Variants in MYOF observed in about 807,000 individuals in gnomAD.
The protein encoded by MYOF is fer-1-like 3, myoferlin.
In MYOF, 244 loss-of-function variants were observed where a neutral mutation model predicts 284.2. That is an observed-to-expected ratio of 0.86 (90% CI 0.77 to 0.95). The LOEUF (loss-of-function observed/expected upper bound fraction) is 0.95. Among genes scored for constraint, MYOF ranks in the 40% least tolerant of loss-of-function variants. The probability of loss-of-function intolerance (pLI) is 0.00; values close to 1 mark genes in which losing one functional copy is unlikely to be tolerated. For missense variants in MYOF, 2,496 were observed against 2,560.6 expected, an observed-to-expected ratio of 0.97 and a Z score of 0.54; for synonymous variants, 904 against 919.7, an observed-to-expected ratio of 0.98 and a Z score of 0.31.
rs559479529 is a variant in MYOF at position 93,480,706 on chromosome 10, C to T, written c.88+1401G>A. Among the ~76,000 whole-genome samples the T allele has an allele frequency of 9.9e-5, 15 of 152,002 alleles. No homozygotes were observed. The South Asian group carries it at 1.9e-3, about 19-fold the overall frequency. ...GGCCTGGCTGGTCTCGAACTCCTGCCCTCATGTGATCCACCCACCTCAGCC... is the reference window on the plus strand; with the variant it reads ...GGCCTGGCTGGTCTCGAACTCCTGCTCTCATGTGATCCACCCACCTCAGCC... On this transcript the variant is annotated intron_variant, in intron 1 of 53. Coordinates refer to ENST00000359263, the MANE Select transcript of MYOF (RefSeq NM_013451.4).
At chr10:93,405,603 A>G (rs1354602758) in intron 7 of MYOF, among the ~76,000 whole-genome samples, 1 of 152,128 alleles carries the variant, frequency 6.6e-6, no homozygotes, top group African/African-American at 2.4e-5. Flanking sequence ...GTTTTGTAGA[A>G]TATCCCACAG....
chr10:93,329,801 T>C lies in MYOF; in HGVS notation c.4845A>G (p.Glu1615=). The C allele has an allele frequency of 6.2e-7, 1 of 1,614,254 alleles. No individual in the cohort carries two copies. The highest frequency in any genetic ancestry group is 8.5e-7 in the Non-Finnish European group (1 of 1,180,048). ...MYELSCYLPQ[E]KDLKISVYDY... ...CATAGACAGAAATTTTCAGGTCTTT[T>C]TCTTGAGGTAAGTAGCAGCTCAGTT... Residue 1615 remains glutamate, a synonymous_variant, in exon 44 of 54, where the codon GAA becomes GAG. Transcript: ENST00000359263.
intron 3 of MYOF, among the ~76,000 whole-genome samples, chr10:93,444,351 C>T (rs868551709): frequency 7.9e-5 from 12 of 152,168 alleles, no homozygotes; most frequent in South Asian, 2.1e-4. Flanking sequence ...AGTTTACTAT[C>T]CAGTAGAGAG....
In MYOF at chr10:93,349,316, G is replaced by A. The variant is rs540180167; in HGVS notation, c.4083+492C>T. Reference sequence around the variant, plus strand: ...GGGTAGCCTCAATGGACCAAAGAAGGTGCCATCCCAGGGGCACCTGGAGGT... The same window carrying A: ...GGGTAGCCTCAATGGACCAAAGAAGATGCCATCCCAGGGGCACCTGGAGGT... On this transcript the variant is annotated intron_variant, in intron 36 of 53. Coordinates refer to ENST00000359263, the MANE Select transcript of MYOF (RefSeq NM_013451.4). Among the ~76,000 whole-genome samples, 15 of 152,270 alleles carry A rather than the reference G, an allele frequency of 9.9e-5. No homozygotes were observed. The East Asian group carries it at 2.9e-3, about 29-fold the overall frequency.
intron 17 of MYOF, among the ~76,000 whole-genome samples, chr10:93,392,139 G>A (rs1846723585): frequency 6.6e-6 from 1 of 152,192 alleles, no homozygotes. Context: ...TAATGAAATA[G>A]ATTGTTTAAA....
intron 3 of MYOF, among the ~76,000 whole-genome samples, chr10:93,441,304 A>G (rs2056242943): frequency 6.6e-6 from 1 of 152,196 alleles, no homozygotes; most frequent in African/African-American, 2.4e-5. Context: ...AAGCAATACC[A>G]CACTTTGCCC....
At chr10:93,396,264 G>T (rs61865239) in intron 15 of MYOF, 40 bp from the exon 16 acceptor site, 1 of 1,402,150 alleles carries the variant, frequency 7.1e-7, no homozygotes, top group South Asian at 1.3e-5. Context: ...AAAATAAAAG[G>T]TTCAGAGCTC....
chr10:93,338,565 T>C (rs1843719756), intron 39 of MYOF: 1 of 453,542 alleles, frequency 2.2e-6, no homozygotes, highest in East Asian at 7.0e-5. Context: ...GGAAATCATA[T>C]GGGATCTTTA....
intron 1 of MYOF, among the ~76,000 whole-genome samples, chr10:93,459,899 T>G (rs920921253): frequency 3.9e-5 from 6 of 152,140 alleles, no homozygotes; most frequent in African/African-American, 1.4e-4. Context: ...ACCACTACCC[T>G]GCTCCCATAA....
chr10:93,359,918 T>G lies in MYOF; in HGVS notation c.3035A>C (p.Glu1012Ala), dbSNP rs754564361. 6.5e-5 allele frequency: 105 copies of G among 1,614,090 alleles called. No homozygotes were observed. The highest frequency in any genetic ancestry group is 8.7e-5 in the Non-Finnish European group (103 of 1,180,052). Reference protein sequence around the residue: ...DHKPKSWVAAEKMYHTHRRRR... With the variant: ...DHKPKSWVAAAKMYHTHRRRR... ...CCGTCTATGAGTGTGGTACATTTTC[T>G]CTGCTGCAACCCAGGATTTGGGCTT... Residue 1012 changes from glutamate to alanine, a missense_variant, in exon 29 of 54, where the codon GAG becomes GCG. Coordinates refer to ENST00000359263, the MANE Select transcript of MYOF (RefSeq NM_013451.4).
chr10:93,468,903 A>C (rs1205388998), intron 1 of MYOF, among the ~76,000 whole-genome samples: 1 of 152,208 alleles, frequency 6.6e-6, no homozygotes, highest in Admixed American at 6.5e-5. Flanking sequence ...CGCCAAGCAC[A>C]AAGAAAACCA....
At chr10:93,474,163 T>A (rs887755768) in intron 1 of MYOF, among the ~76,000 whole-genome samples, 1 of 152,198 alleles carries the variant, frequency 6.6e-6, no homozygotes, top group Non-Finnish European at 1.5e-5. Context: ...GCCTTCCTTC[T>A]GATTCCAGTC....
chr10:93,463,358 C>T (rs1393075883), intron 1 of MYOF, among the ~76,000 whole-genome samples: 3 of 151,436 alleles, frequency 2.0e-5, no homozygotes, highest in Non-Finnish European at 4.4e-5. Context: ...AGTTCAAGAC[C>T]AGCCTGGGCA....
At chr10:93,425,352 G>A (rs908207600) in intron 5 of MYOF, among the ~76,000 whole-genome samples, 17 of 152,056 alleles carry the variant, frequency 1.1e-4, no homozygotes, top group Non-Finnish European at 2.1e-4. Flanking sequence ...GCTGAGGAAG[G>A]GACAGAGACT....
chr10:93,337,574 A>T, intron 40 of MYOF: 1 of 450,516 alleles, frequency 2.2e-6, no homozygotes, highest in Non-Finnish European at 3.9e-6. Flanking sequence ...ACCATCTGCC[A>T]GATGCCTCCA....
At chr10:93,323,460 GTCTC>G (rs1304771477) in intron 46 of MYOF, 102 bp from the exon 47 acceptor site, 7 of 846,240 alleles carry the variant, frequency 8.3e-6, no homozygotes, top group Admixed American at 2.9e-5. Flanking sequence ...TCTTTCTTTG[GTCTC>G]TCTAATTTAT....
At chr10:93,352,794 G>A (rs769352829) in intron 32 of MYOF, among the ~76,000 whole-genome samples, 4 of 151,280 alleles carry the variant, frequency 2.6e-5, no homozygotes, top group Non-Finnish European at 5.9e-5. Context: ...AAGAACTTTG[G>A]AAAGATGTTT....
At chr10:93,340,695 C>A (rs750502510) in intron 38 of MYOF, among the ~76,000 whole-genome samples, 1 of 152,192 alleles carries the variant, frequency 6.6e-6, no homozygotes, top group Non-Finnish European at 1.5e-5. Flanking sequence ...CAAATAAATA[C>A]TCATCCATCA....
At chr10:93,382,769 T>C (rs1174502928) in intron 19 of MYOF, among the ~76,000 whole-genome samples, 1 of 152,240 alleles carries the variant, frequency 6.6e-6, no homozygotes, top group Non-Finnish European at 1.5e-5. Context: ...TGGTTTAGGT[T>C]GCTGTGTTTC....
Sources: gnomAD v4.1 joint callset for allele counts (sites outside exome capture counted in the v4.1 genomes callset) on GRCh38, gnomAD v4.1.1 for gene constraint, MANE v1.5 for transcripts, NCBI Gene and HGNC (gene_info 2026-07-23, HGNC 2026-07-21) for gene names.